ABLIM1: variants seen among roughly 807,000 people sequenced by gnomAD.
ABLIM1 encodes actin-binding LIM protein 1.
Under a neutral mutation model 107.0 loss-of-function variants are expected in ABLIM1, and 40 were observed. The observed-to-expected ratio is 0.37, with a 90% CI of 0.29 to 0.49. The LOEUF (loss-of-function observed/expected upper bound fraction) is 0.49. ABLIM1 is among the 20% of genes least tolerant of loss of function. The pLI is 0.97. For missense variants in ABLIM1, 857 were observed against 1,008.5 expected, an observed-to-expected ratio of 0.85 and a Z score of 2.04; for synonymous variants, 357 against 357.3, an observed-to-expected ratio of 1.00 and a Z score of 0.01.
At chr10:114,722,567 G>A (rs182870810) in intron 1 of ABLIM1, among the ~76,000 whole-genome samples, 3 of 152,324 alleles carry the variant, frequency 2.0e-5, no homozygotes, top group Admixed American at 2.0e-4. Flanking sequence ...CATTTGCCCT[G>A]TTTCCATTTC....
At position 114,445,443 on chromosome 10, in the gene ABLIM1, A is replaced by T. The variant is rs56298813; in HGVS notation, c.1736-40T>A. ...AAGACAACTTCTCACATCAGCCCCA[A>T]GACAAGGGAATCTTAACGGGCTAGT... On this transcript the variant is annotated intron_variant, in intron 15 of 22. Coordinates refer to ENST00000533213, the MANE Select transcript of ABLIM1 (RefSeq NM_002313.7). The T allele has an allele frequency of 3.2e-6, 5 of 1,550,216 alleles. No homozygotes were observed. In the African/African-American group the frequency reaches 6.8e-5, roughly 21 times the overall value.
chr10:114,571,079 T>C (rs765806964), intron 4 of ABLIM1, among the ~76,000 whole-genome samples: 5 of 152,334 alleles, frequency 3.3e-5, no homozygotes, highest in Middle Eastern at 3.4e-3. Context: ...TGGTATCTTA[T>C]GGTTGTTTTG....
chr10:114,745,602 G>A (rs1288122738), intron 1 of ABLIM1, among the ~76,000 whole-genome samples: 1 of 151,822 alleles, frequency 6.6e-6, no homozygotes, highest in Non-Finnish European at 1.5e-5. Context: ...GGGCACAGTG[G>A]CTCATGCCAT....
intron 6 of ABLIM1, among the ~76,000 whole-genome samples, chr10:114,496,775 A>G (rs12098752): frequency 0.029 from 4,467 of 152,358 alleles, 194 homozygotes; most frequent in African/African-American, 0.098. Context: ...TGAACATGTC[A>G]AGACATTCGG....
intron 1 of ABLIM1, among the ~76,000 whole-genome samples, chr10:114,671,672 A>G (rs1239363416): frequency 6.6e-6 from 1 of 152,218 alleles, no homozygotes; most frequent in Non-Finnish European, 1.5e-5. Flanking sequence ...TAGACATATA[A>G]AAGTTTGTAA....
chr10:114,572,935 G>A (rs1003113790), intron 3 of ABLIM1, among the ~76,000 whole-genome samples: 4 of 152,102 alleles, frequency 2.6e-5, no homozygotes, highest in Non-Finnish European at 1.5e-5. Context: ...TTTACCTGTT[G>A]CATGCCCAGA....
chr10:114,547,730 C>G lies in ABLIM1; in HGVS notation c.720G>C (p.Leu240=). The change falls in exon 5 of 23, where the codon CTG becomes CTC. Residue 240 remains leucine (L), a synonymous_variant. Transcript: ENST00000533213. Reference sequence around the variant, plus strand: ...CCAAGTGCCACTGCTTATCCAGCGCCAGCAGCGCCTGCCCATTCTTGATAT... The same window carrying G: ...CCAAGTGCCACTGCTTATCCAGCGCGAGCAGCGCCTGCCCATTCTTGATAT... ...GRDIKNGQAL[L]ALDKQWHLGC... is the part of the protein sequence containing the mutation. The G allele has an allele frequency of 1.9e-6, 3 of 1,613,200 alleles. No individual in the cohort carries two copies. The highest frequency in any genetic ancestry group is 2.5e-6 in the Non-Finnish European group (3 of 1,180,034).
intron 7 of ABLIM1, among the ~76,000 whole-genome samples, chr10:114,489,946 C>T (rs7899289): frequency 0.015 from 2,299 of 152,304 alleles, 54 homozygotes; most frequent in African/African-American, 0.052. Flanking sequence ...TTGTGCACTG[C>T]TTGAAACCTT....
At chr10:114,665,113 T>C (rs2079969827) in intron 1 of ABLIM1, among the ~76,000 whole-genome samples, 1 of 79,700 alleles carries the variant, frequency 1.3e-5, no homozygotes, top group Non-Finnish European at 2.5e-5. Flanking sequence ...CGAGACTCCG[T>C]CTCAAAAAAA....
chr10:114,749,325 T>A (rs2142393954), intron 1 of ABLIM1, among the ~76,000 whole-genome samples: 1 of 152,284 alleles, frequency 6.6e-6, no homozygotes, highest in Non-Finnish European at 1.5e-5. Context: ...TACATTTGCC[T>A]CTTTCTTGTT....
chr10:114,443,939 G>T, intron 17 of ABLIM1, 90 bp downstream of exon 17: 1 of 1,032,656 alleles, frequency 9.7e-7, no homozygotes, highest in Non-Finnish European at 1.4e-6. Context: ...ATACTCTGTA[G>T]GTTCCACCAC....
At chr10:114,564,021 TC>T (rs1246288182) in intron 4 of ABLIM1, among the ~76,000 whole-genome samples, 1 of 148,746 alleles carries the variant, frequency 6.7e-6, no homozygotes, top group African/African-American at 2.5e-5. Context: ...CAATCAATGG[TC>T]CCCCCAACCT....
At position 114,618,245 on chromosome 10, in the gene ABLIM1, G is replaced by GGAATAGATTCCTA. The variant is rs781009627; in HGVS notation, c.245-16285_245-16284insTAGGAATCTATTC. Among the ~76,000 whole-genome samples the GGAATAGATTCCTA allele has an allele frequency of 9.9e-5, 15 of 152,234 alleles. No individual in the cohort carries two copies. In the East Asian group the frequency reaches 1.9e-3, roughly 20 times the overall value. On this transcript the variant is annotated intron_variant, in intron 1 of 22. Transcript: ENST00000533213. ...CTACTAGACTCTGTAGTGCCTCCTA[G>GGAATAGATTCCTA]GAATAGATTCCCTTTCTTGTACAAT... is the stretch of plus-strand genomic sequence containing the variant.
At chr10:114,623,225 C>G (rs1408109294) in intron 1 of ABLIM1, among the ~76,000 whole-genome samples, 1 of 152,228 alleles carries the variant, frequency 6.6e-6, no homozygotes, top group East Asian at 1.9e-4. Context: ...AGGAGTGATG[C>G]CTGCAGAATA....
chr10:114,506,492 G>A (rs868307184), intron 6 of ABLIM1, among the ~76,000 whole-genome samples: 5 of 152,132 alleles, frequency 3.3e-5, no homozygotes, highest in South Asian at 2.1e-4. Flanking sequence ...GTGTATAAGC[G>A]TTCCCTTTTC....
intron 4 of ABLIM1, among the ~76,000 whole-genome samples, chr10:114,569,872 G>A (rs1013587360): frequency 3.3e-5 from 5 of 152,146 alleles, no homozygotes; most frequent in African/African-American, 1.2e-4. Context: ...CACACGCCAA[G>A]GATCCAGTCA....
At position 114,472,975 on chromosome 10, in the gene ABLIM1, A is replaced by T; in HGVS notation, c.1275+2T>A. On this transcript the variant is annotated splice_donor_variant, in intron 10 of 22. Coordinates refer to ENST00000533213, the MANE Select transcript of ABLIM1 (RefSeq NM_002313.7). LOFTEE classifies it high-confidence loss of function. ...AACTCACAACCAGTAGGAATGTATT[A>T]CCTCTCCAAGGCTCTGTCTCTCCTG... 6.3e-7 allele frequency: 1 copy of T among 1,576,622 alleles called. No homozygotes were observed. The highest frequency in any genetic ancestry group is 8.6e-7 in the Non-Finnish European group (1 of 1,159,944).
chr10:114,654,323 A>G (rs541519767), intron 1 of ABLIM1, among the ~76,000 whole-genome samples: 3 of 152,368 alleles, frequency 2.0e-5, no homozygotes, highest in South Asian at 2.1e-4. Flanking sequence ...ATTTTAATTC[A>G]GCCTCCATAG....
intron 6 of ABLIM1, among the ~76,000 whole-genome samples, chr10:114,540,864 C>A (rs1269167739): frequency 6.6e-6 from 1 of 152,110 alleles, no homozygotes; most frequent in African/African-American, 2.4e-5. Context: ...GAATGGTGAC[C>A]CGATCATCAC....
Sources: allele counts gnomAD v4.1 joint callset (sites outside exome capture counted in the v4.1 genomes callset), GRCh38; gene constraint gnomAD v4.1.1; transcripts MANE v1.5; gene names NCBI Gene and HGNC (gene_info 2026-07-23, HGNC 2026-07-21).